SATB2: variants seen among roughly 807,000 people sequenced by gnomAD.
The protein encoded by SATB2 is DNA-binding protein SATB2.
SATB2 carries 1 observed loss-of-function variant against 73.4 expected under a neutral mutation model. The observed-to-expected ratio is 0.01, with a 90% confidence interval of 0.00 to 0.06. The LOEUF is 0.06. Ranked by LOEUF, SATB2 falls within the 10% of genes least tolerant of loss-of-function variation. SATB2 has a pLI of 1.00. For missense variants in SATB2, 459 were observed against 945.8 expected (o/e 0.49, Z 6.75); for synonymous variants, 397 against 367.0 (o/e 1.08, Z -0.93).
chr2:199,420,828 T>G (rs1691142747), intron 3 of SATB2, among the ~76,000 whole-genome samples: 2 of 152,232 alleles, frequency 1.3e-5, no homozygotes, highest in South Asian at 4.1e-4. Flanking sequence ...ATCTCATTTG[T>G]ATACTTATTG....
chr2:199,368,510 A>G, intron 6 of SATB2, 95 bp downstream of exon 6: 1 of 767,770 alleles, frequency 1.3e-6, no homozygotes, highest in Non-Finnish European at 2.3e-6. Flanking sequence ...AAATTACGTA[A>G]ATTGTATCTA....
chr2:199,365,215 CT>C (rs778112181), intron 6 of SATB2, among the ~76,000 whole-genome samples: 15 of 149,170 alleles, frequency 1.0e-4, no homozygotes, highest in East Asian at 2.0e-4. Flanking sequence ...ATAAAATGTA[CT>C]TTTTTTTTTC....
At chr2:199,336,036 G>A (rs780207117) in intron 7 of SATB2, among the ~76,000 whole-genome samples, 4 of 152,118 alleles carry the variant, frequency 2.6e-5, no homozygotes, top group Non-Finnish European at 5.9e-5. Context: ...TACAATAGAG[G>A]AAATTAGCCA....
intron 6 of SATB2, among the ~76,000 whole-genome samples, chr2:199,361,218 G>T (rs1163816618): frequency 6.6e-6 from 1 of 152,102 alleles, no homozygotes; most frequent in Admixed American, 6.6e-5. Flanking sequence ...TGAGGTATCA[G>T]CAATTTCGTC....
At chr2:199,385,315 ATAGAGACAGGGT>A (rs1209225136) in intron 3 of SATB2, among the ~76,000 whole-genome samples, 1 of 151,932 alleles carries the variant, frequency 6.6e-6, no homozygotes, top group Non-Finnish European at 1.5e-5. Flanking sequence ...TTGTATTTTT[ATAGAGACAGGGT>A]TTCACCATGT....
At chr2:199,316,174 T>C (rs1054733600) in intron 9 of SATB2, among the ~76,000 whole-genome samples, 13 of 152,136 alleles carry the variant, frequency 8.5e-5, no homozygotes, top group African/African-American at 3.1e-4. Flanking sequence ...CTTCAGATGG[T>C]TGAGACTCTT....
intron 10 of SATB2, among the ~76,000 whole-genome samples, chr2:199,305,758 T>C (rs1379868586): frequency 6.6e-6 from 1 of 152,158 alleles, no homozygotes; most frequent in African/African-American, 2.4e-5. Flanking sequence ...CAGATTAATC[T>C]GGTGGGTAAT....
At chr2:199,465,884 A>G (rs1692583961), upstream of SATB2, among the ~76,000 whole-genome samples, 1 of 152,250 alleles carries the variant, frequency 6.6e-6, no homozygotes, top group South Asian at 2.1e-4. Context: ...TATGCTAAAT[A>G]GTAAAGGAAA....
Position 199,272,670 on chromosome 2 carries a change from T to C in SATB2, c.1743A>G (p.Val581=). ...CTGGCTGAGACTGCTGTCTATGAAG[T>C]ACCTGATAATTAAGAGAGAAAAAAA... is the stretch of plus-strand genomic sequence containing the variant. ...VVQLPPEPVQ[V]LHRQQSQPAK... Residue 581 remains valine (V), a splice_region_variant and synonymous_variant, in exon 11 of 11, where the codon GTA becomes GTG. Transcript: ENST00000417098. The surrounding 1 kb of genome is among the most constrained non-coding windows in gnomAD (Gnocchi z 6.7). 2.5e-6 allele frequency: 4 copies of C among 1,613,582 alleles called. No homozygotes were observed. Among genetic ancestry groups the C allele is most frequent in the African/African-American group, 2.7e-5 (2 of 75,034 alleles).
Position 199,274,314 on chromosome 2 carries a change from C to T in SATB2, c.1741-1642G>A, listed in dbSNP as rs557639488. On this transcript the variant is annotated intron_variant, in intron 10 of 10. Coordinates refer to ENST00000417098, the MANE Select transcript of SATB2 (RefSeq NM_001172509.2). ...CACCACCACACACTACCCATATGAT[C>T]CATGTCTTTTAGCTATGAAACATCA... Among the ~76,000 whole-genome samples, 3 of 152,040 alleles carry T rather than the reference C, an allele frequency of 2.0e-5. No individual in the cohort carries two copies. The South Asian group carries it at 6.2e-4, about 32-fold the overall frequency.
chr2:199,356,195 C>CT, intron 6 of SATB2, among the ~76,000 whole-genome samples: 8 of 147,736 alleles, frequency 5.4e-5, no homozygotes, highest in African/African-American at 2.0e-4. Flanking sequence ...CAGAACCTCT[C>CT]CTAGAAACCC....
intron 7 of SATB2, among the ~76,000 whole-genome samples, chr2:199,334,393 T>C (rs745608080): frequency 2.0e-5 from 3 of 152,174 alleles, no homozygotes; most frequent in Non-Finnish European, 4.4e-5. Context: ...TAATTACATA[T>C]TGCTTTAAAC....
At chr2:199,291,939 A>AAAAC (rs1427687754) in intron 10 of SATB2, among the ~76,000 whole-genome samples, 1 of 152,060 alleles carries the variant, frequency 6.6e-6, no homozygotes, top group Non-Finnish European at 1.5e-5. Flanking sequence ...AATAAAAACA[A>AAAAC]AAACAAACAA....
upstream of SATB2, chr2:199,458,361 G>A (rs1692360230): frequency 1.0e-5 from 3 of 287,764 alleles, no homozygotes; most frequent in South Asian, 5.2e-5. Context: ...GAGGCAGGGA[G>A]GAGGGAAGAG....
At chr2:199,295,465 G>T (rs1278015871) in intron 10 of SATB2, among the ~76,000 whole-genome samples, 1 of 151,370 alleles carries the variant, frequency 6.6e-6, no homozygotes, top group Non-Finnish European at 1.5e-5. Flanking sequence ...TTTTTGTAGT[G>T]TGAATAATCC....
intron 3 of SATB2, among the ~76,000 whole-genome samples, chr2:199,414,603 CA>C (rs1328949076): frequency 6.6e-6 from 1 of 152,128 alleles, no homozygotes; most frequent in Non-Finnish European, 1.5e-5. Flanking sequence ...AGCTGCAGTT[CA>C]AATTGCTGTA....
chr2:199,398,543 TAA>T (rs1183064618), intron 3 of SATB2, among the ~76,000 whole-genome samples: 2 of 152,274 alleles, frequency 1.3e-5, no homozygotes, highest in Non-Finnish European at 2.9e-5. Flanking sequence ...CCCTACAGTA[TAA>T]AGTTTTGAAT....
At chr2:199,278,427 G>A (rs866682448) in intron 10 of SATB2, among the ~76,000 whole-genome samples, 42 of 152,308 alleles carry the variant, frequency 2.8e-4, no homozygotes, top group African/African-American at 8.9e-4. Flanking sequence ...TCACTTGTGC[G>A]ATGCCATGAT....
intron 3 of SATB2, among the ~76,000 whole-genome samples, chr2:199,414,494 A>C (rs186357797): frequency 6.6e-6 from 1 of 152,166 alleles, no homozygotes; most frequent in Admixed American, 6.5e-5. Context: ...TAATAAATAC[A>C]TACCCCTCTC....
Sources: allele counts gnomAD v4.1 joint callset (sites outside exome capture counted in the v4.1 genomes callset), GRCh38; gene constraint gnomAD v4.1.1; non-coding constraint Gnocchi (gnomAD v3.1); transcripts MANE v1.5; gene names NCBI Gene and HGNC (gene_info 2026-07-23, HGNC 2026-07-21).